Variants in ANKS1B observed in about 807,000 individuals in gnomAD.
ANKS1B encodes the protein ankyrin repeat and sterile alpha motif domain-containing protein 1B.
Under a neutral mutation model 148.3 loss-of-function variants are expected in ANKS1B, and 36 were observed. The ratio of observed to expected loss-of-function variants is 0.24; its 90% CI spans 0.19 to 0.32. The LOEUF is 0.32. ANKS1B is among the 10% of genes least tolerant of loss of function. The probability of loss-of-function intolerance (pLI) is 1.00; values close to 1 mark genes in which losing one functional copy is unlikely to be tolerated. For missense variants in ANKS1B, 1,157 were observed against 1,542.6 expected (o/e 0.75, Z 4.19); for synonymous variants, 542 against 560.8 (o/e 0.97, Z 0.47).
intron 12 of ANKS1B, among the ~76,000 whole-genome samples, chr12:99,364,942 G>A (rs891813045): frequency 6.6e-6 from 1 of 152,172 alleles, no homozygotes; most frequent in African/African-American, 2.4e-5. Flanking sequence ...CATTCAGCAT[G>A]GCTTAGAATT....
chr12:99,342,499 G>A lies in ANKS1B; in HGVS notation c.1756+57132C>T, dbSNP rs1317452847. ...GGTAGAAACCCAACCAATGTTCATT[G>A]AATGAATAAAGGTGTGCAATCTCTA... On this transcript the variant is annotated intron_variant, in intron 12 of 26. Coordinates refer to ENST00000683438, the MANE Select transcript of ANKS1B (RefSeq NM_001352186.2). Among the ~76,000 whole-genome samples the A allele has an allele frequency of 3.3e-5, 5 of 152,028 alleles. No individual in the cohort carries two copies. In the South Asian group the frequency reaches 1.0e-3, roughly 31 times the overall value.
At chr12:99,089,208 G>T (rs1343606434) in intron 15 of ANKS1B, among the ~76,000 whole-genome samples, 1 of 151,596 alleles carries the variant, frequency 6.6e-6, no homozygotes, top group Non-Finnish European at 1.5e-5. Flanking sequence ...CAATGATTTG[G>T]GGGCAGAGCT....
intron 18 of ANKS1B, chr12:98,831,344 C>G (rs1235144810): frequency 6.6e-6 from 1 of 152,118 alleles, no homozygotes; most frequent in African/African-American, 2.4e-5. Flanking sequence ...GTGAGTAAAG[C>G]TGGACAAATT....
At chr12:99,200,086 C>T (rs2081892443) in intron 14 of ANKS1B, among the ~76,000 whole-genome samples, 1 of 152,210 alleles carries the variant, frequency 6.6e-6, no homozygotes, top group Non-Finnish European at 1.5e-5. Context: ...CTGGTTAATG[C>T]TCTTAAGAAG....
At chr12:99,885,171 C>T (rs1240389212) in intron 1 of ANKS1B, among the ~76,000 whole-genome samples, 1 of 152,034 alleles carries the variant, frequency 6.6e-6, no homozygotes, top group East Asian at 1.9e-4. Flanking sequence ...CTTTGCTTGG[C>T]TAAATGCTAT....
chr12:99,585,412 C>T (rs1016762869), intron 9 of ANKS1B, among the ~76,000 whole-genome samples: 3 of 152,180 alleles, frequency 2.0e-5, no homozygotes, highest in Non-Finnish European at 2.9e-5. Context: ...GCCCCCCTCC[C>T]GGCTACTTTC....
At chr12:99,956,752 C>A (rs1019235809) in intron 1 of ANKS1B, among the ~76,000 whole-genome samples, 1 of 152,184 alleles carries the variant, frequency 6.6e-6, no homozygotes, top group Non-Finnish European at 1.5e-5. Flanking sequence ...TCAGTACATT[C>A]TCTCAATTTT....
intron 9 of ANKS1B, among the ~76,000 whole-genome samples, chr12:99,537,410 T>A (rs1255690666): frequency 6.6e-6 from 1 of 152,150 alleles, no homozygotes; most frequent in Non-Finnish European, 1.5e-5. Flanking sequence ...TTTCTCTACA[T>A]CCTCACCAGC....
At chr12:99,648,921 C>A in intron 9 of ANKS1B, 3 of 1,269,856 alleles carry the variant, frequency 2.4e-6, no homozygotes, top group Non-Finnish European at 2.1e-6. Context: ...GCCAAATGAG[C>A]TTCCATTTGG....
intron 1 of ANKS1B, among the ~76,000 whole-genome samples, chr12:99,887,040 T>C (rs1218225887): frequency 2.0e-5 from 3 of 152,228 alleles, no homozygotes; most frequent in African/African-American, 7.2e-5. Flanking sequence ...TCTTTCAACC[T>C]GGCCTTGTAG....
rs981167248 is a variant in ANKS1B at position 99,357,222 on chromosome 12, T to C, written c.1756+42409A>G. On this transcript the variant is annotated intron_variant, in intron 12 of 26. Transcript: ENST00000683438. ...AACATTATATTAAAAATATTTTCCA[T>C]GTTACTATAAGTTTTTGGAAAGTGT... Among the ~76,000 whole-genome samples the C allele has an allele frequency of 3.9e-5, 6 of 152,286 alleles. No homozygotes were observed. The South Asian group carries it at 6.2e-4, about 16-fold the overall frequency.
chr12:99,386,193 T>A (rs139436308), intron 12 of ANKS1B: 1 of 152,228 alleles, frequency 6.6e-6, no homozygotes, highest in African/African-American at 2.4e-5. Context: ...GTAGCATATG[T>A]GCCTTCCTAA....
intron 17 of ANKS1B, among the ~76,000 whole-genome samples, chr12:99,008,783 G>A (rs1044189134): frequency 4.6e-5 from 7 of 152,170 alleles, no homozygotes; most frequent in African/African-American, 1.7e-4. Context: ...AAGATCTCAC[G>A]GAGGAGAAGA....
chr12:99,038,158 A>G (rs1187405078), intron 17 of ANKS1B, among the ~76,000 whole-genome samples: 1 of 152,194 alleles, frequency 6.6e-6, no homozygotes, highest in African/African-American at 2.4e-5. Context: ...AATGCAGAGA[A>G]GAGCTGAAAT....
intron 15 of ANKS1B, among the ~76,000 whole-genome samples, chr12:99,102,857 A>C (rs1433084201): frequency 6.6e-6 from 1 of 152,142 alleles, no homozygotes; most frequent in Non-Finnish European, 1.5e-5. Flanking sequence ...TGAGGTCAGG[A>C]GGTTGAAGCT....
At position 98,843,614 on chromosome 12, in the gene ANKS1B, C is replaced by T. The variant is rs189168516; in HGVS notation, c.2779-11478G>A. ...GACTGGAGTCAGAATGACTTTCTAG[C>T]CCATGAAGAGTCAATGAAATAGACT... On this transcript the variant is annotated intron_variant, in intron 17 of 26. Transcript: ENST00000683438. Among the ~76,000 whole-genome samples the T allele has an allele frequency of 3.2e-3, 480 of 152,282 alleles. 2 individuals are homozygous for T. Among genetic ancestry groups the T allele is most frequent in the African/African-American group, 0.01 (426 of 41,562 alleles).
At chr12:99,620,807 G>A (rs1293401844) in intron 9 of ANKS1B, among the ~76,000 whole-genome samples, 2 of 152,090 alleles carry the variant, frequency 1.3e-5, no homozygotes, top group Admixed American at 6.5e-5. Context: ...GAGAGAAAGA[G>A]AAAAAGTAAA....
intron 17 of ANKS1B, among the ~76,000 whole-genome samples, chr12:98,982,371 A>G (rs960536731): frequency 6.6e-6 from 1 of 152,166 alleles, no homozygotes; most frequent in Admixed American, 6.5e-5. Context: ...AGCAAGAGTA[A>G]GAGAAGTGAA....
chr12:99,881,342 A>G (rs1275470936), intron 1 of ANKS1B, among the ~76,000 whole-genome samples: 1 of 152,262 alleles, frequency 6.6e-6, no homozygotes, highest in African/African-American at 2.4e-5. Context: ...AGCAGCAACA[A>G]TGGCAAGCAA....
Sources: allele counts gnomAD v4.1 joint callset (sites outside exome capture counted in the v4.1 genomes callset), GRCh38; gene constraint gnomAD v4.1.1; transcripts MANE v1.5; gene names NCBI Gene and HGNC (gene_info 2026-07-23, HGNC 2026-07-21).